LAMA4: variants seen among roughly 807,000 people sequenced by gnomAD.
LAMA4 encodes laminin subunit alpha 4.
LAMA4 carries 127 observed loss-of-function variants against 207.1 expected under a neutral mutation model. The ratio of observed to expected loss-of-function variants is 0.61; its 90% confidence interval spans 0.53 to 0.71. LAMA4 has a LOEUF of 0.71. Among genes scored for constraint, LAMA4 ranks in the 30% least tolerant of loss-of-function variants. The pLI, the probability that LAMA4 is intolerant of heterozygous loss-of-function variation, is 0.00. For missense variants in LAMA4, 2,093 were observed against 2,246.5 expected (o/e 0.93, Z 1.38); for synonymous variants, 761 against 816.0 (o/e 0.93, Z 1.15).
intron 11 of LAMA4, among the ~76,000 whole-genome samples, chr6:112,173,120 G>GATTATTAA (rs1554342519): frequency 6.6e-6 from 1 of 152,088 alleles, no homozygotes; most frequent in African/African-American, 2.4e-5. Context: ...ATTTTACTGT[G>GATTATTAA]TAAAGGGGAC....
chr6:112,220,182 A>G (rs1784847395), intron 2 of LAMA4, among the ~76,000 whole-genome samples: 1 of 152,158 alleles, frequency 6.6e-6, no homozygotes, highest in Admixed American at 6.5e-5. Context: ...ATTTTAGCCA[A>G]ATTTTCTCTT....
chr6:112,189,662 G>C (rs1322851118), intron 6 of LAMA4, among the ~76,000 whole-genome samples: 1 of 152,160 alleles, frequency 6.6e-6, no homozygotes, highest in Non-Finnish European at 1.5e-5. Context: ...GCTTAGCAAG[G>C]AGTGAGTGAG....
intron 38 of LAMA4, among the ~76,000 whole-genome samples, chr6:112,111,323 C>T (rs1311733497): frequency 2.0e-5 from 3 of 152,064 alleles, no homozygotes; most frequent in Non-Finnish European, 4.4e-5. Context: ...GGATTACAGG[C>T]GCGAGCCACC....
intron 2 of LAMA4, among the ~76,000 whole-genome samples, chr6:112,239,919 G>A (rs1786265177): frequency 6.6e-6 from 1 of 152,010 alleles, no homozygotes; most frequent in African/African-American, 2.4e-5. Context: ...AAAAAATTAG[G>A]CAGGCATGGT....
chr6:112,119,242 G>A lies in LAMA4; in HGVS notation c.4735C>T (p.Leu1579Phe), dbSNP rs367951149. Reference protein sequence around the residue: ...IDGLRVLEESLPPTEATWKIK... With the variant: ...IDGLRVLEESFPPTEATWKIK... ...TTCCAGGTAGCTTCAGTAGGAGGAA[G>A]ACTTTCTTCTAGGACTCGGAGACCA... Residue 1579 changes from leucine (L) to phenylalanine (F), a missense_variant, in exon 34 of 39, where the codon CTT becomes TTT. By Grantham distance (22) the Leu-to-Phe change is conservative. This residue lies in a region of LAMA4 where 383 missense variants were observed against 437.8 expected (regional missense o/e 0.87). Transcript: ENST00000230538. 1 of 1,613,922 alleles carries A rather than the reference G, an allele frequency of 6.2e-7. No individual in the cohort carries two copies. The highest frequency in any genetic ancestry group is 8.5e-7 in the Non-Finnish European group (1 of 1,179,940).
At chr6:112,199,353 A>T (rs1387287390) in intron 5 of LAMA4, among the ~76,000 whole-genome samples, 2 of 152,130 alleles carry the variant, frequency 1.3e-5, no homozygotes, top group Non-Finnish European at 2.9e-5. Context: ...GGGGCCATTG[A>T]ACACCCATTA....
intron 13 of LAMA4, among the ~76,000 whole-genome samples, chr6:112,160,592 C>CAAA (rs1554338136): frequency 2.0e-5 from 3 of 152,240 alleles, no homozygotes; most frequent in African/African-American, 7.2e-5. Context: ...ATCCACTTGA[C>CAAA]ATTTTCCCAT....
chr6:112,234,062 T>G (rs1785727509), intron 2 of LAMA4: 1 of 152,212 alleles, frequency 6.6e-6, no homozygotes, highest in Non-Finnish European at 1.5e-5. Flanking sequence ...TGAGTCACTC[T>G]CATGTGGCTT....
intron 16 of LAMA4, among the ~76,000 whole-genome samples, chr6:112,152,371 GT>G (rs1780452469): frequency 6.6e-6 from 1 of 152,010 alleles, no homozygotes; most frequent in South Asian, 2.1e-4. Flanking sequence ...ATTTGCATCA[GT>G]TTTGAGAGTC....
At chr6:112,189,353 C>A in intron 6 of LAMA4, 148 bp from the exon 7 acceptor site, 1 of 687,078 alleles carries the variant, frequency 1.5e-6, no homozygotes, top group Non-Finnish European at 2.6e-6. Context: ...TGTGTAGAAT[C>A]TACGATACAG....
At chr6:112,203,692 TAC>T (rs1317736326) in intron 4 of LAMA4, among the ~76,000 whole-genome samples, 2 of 152,202 alleles carry the variant, frequency 1.3e-5, no homozygotes, top group East Asian at 3.9e-4. Flanking sequence ...CTGTTGTCAC[TAC>T]AGAGAAAAAT....
intron 2 of LAMA4, among the ~76,000 whole-genome samples, chr6:112,241,136 G>GAATATATAT (rs1562101883): frequency 1.6e-5 from 1 of 61,962 alleles, no homozygotes; most frequent in African/African-American, 5.9e-5. Flanking sequence ...TGAATATATA[G>GAATATATAT]GAATATATAT....
intron 9 of LAMA4, among the ~76,000 whole-genome samples, chr6:112,183,780 G>A (rs1003397427): frequency 1.3e-5 from 2 of 151,686 alleles, no homozygotes; most frequent in South Asian, 2.1e-4. Flanking sequence ...GTGAAACTCT[G>A]TCTTTACTAA....
At chr6:112,161,118 T>G (rs960971415) in intron 13 of LAMA4, among the ~76,000 whole-genome samples, 2 of 152,230 alleles carry the variant, frequency 1.3e-5, no homozygotes, top group Non-Finnish European at 2.9e-5. Flanking sequence ...TCCTTTATTT[T>G]CTGTCTAATC....
chr6:112,190,772 C>T, intron 6 of LAMA4, among the ~76,000 whole-genome samples: 1 of 152,162 alleles, frequency 6.6e-6, no homozygotes, highest in East Asian at 1.9e-4. Flanking sequence ...CCTTGACTTG[C>T]TAATCTATTT....
intron 9 of LAMA4, among the ~76,000 whole-genome samples, chr6:112,180,183 G>T (rs1782271189): frequency 6.6e-6 from 1 of 152,096 alleles, no homozygotes; most frequent in African/African-American, 2.4e-5. Context: ...TTATTCCTAT[G>T]TCATTAAACT....
chr6:112,248,097 T>C lies in LAMA4; in HGVS notation c.195+5859A>G, dbSNP rs528810272. Among the ~76,000 whole-genome samples, 21 of 152,274 alleles carry C rather than the reference T, an allele frequency of 1.4e-4. No individual in the cohort carries two copies. In the East Asian group the frequency reaches 3.9e-3, roughly 28 times the overall value. The stretch of plus-strand genomic sequence containing the variant: ...GCTGGAGGAAGGAGTTAATCGGAAG[T>C]TATCATTTAATGGGTTTCAGTTTGG... On this transcript the variant is annotated intron_variant, in intron 2 of 38. Transcript: ENST00000230538.
intron 23 of LAMA4, 71 bp from the exon 24 acceptor site, chr6:112,139,362 A>C: frequency 6.6e-7 from 1 of 1,524,970 alleles, no homozygotes; most frequent in Non-Finnish European, 9.1e-7. Context: ...AGCCCTTTTA[A>C]CCCATTCTTC....
intron 10 of LAMA4, 42 bp from the exon 11 acceptor site, chr6:112,175,522 T>G: frequency 6.2e-7 from 1 of 1,606,664 alleles, no homozygotes; most frequent in Non-Finnish European, 8.5e-7. Flanking sequence ...CAGGGAGAGA[T>G]GACCAGGCAC....
Sources: gnomAD v4.1 joint callset for allele counts (sites outside exome capture counted in the v4.1 genomes callset) on GRCh38, gnomAD v4.1.1 for gene constraint, gnomAD v4.1.1 regional missense constraint, MANE v1.5 for transcripts, NCBI Gene and HGNC (gene_info 2026-07-23, HGNC 2026-07-21) for gene names.